SNX19: variants seen among roughly 807,000 people sequenced by gnomAD.
The protein encoded by SNX19 is sorting nexin 19, also known as sorting nexin-19.
A neutral mutation model predicts 85.2 loss-of-function variants in SNX19; 60 were observed. The ratio of observed to expected loss-of-function variants is 0.70; its 90% CI spans 0.57 to 0.87. The LOEUF (loss-of-function observed/expected upper bound fraction) is 0.87. Ranked by LOEUF, SNX19 falls within the 40% of genes least tolerant of loss-of-function variation. The pLI is 0.00. For missense variants in SNX19, 1,201 were observed against 1,217.8 expected, an observed-to-expected ratio of 0.99 and a Z score of 0.21; for synonymous variants, 520 against 470.0, an observed-to-expected ratio of 1.11 and a Z score of -1.38.
Position 130,883,446 on chromosome 11 carries a change from C to T in SNX19, c.2574-2640G>A, listed in dbSNP as rs116324963. On this transcript the variant is annotated intron_variant, in intron 8 of 10. Coordinates refer to ENST00000265909, the MANE Select transcript of SNX19 (RefSeq NM_014758.3). Reference sequence around the variant, plus strand: ...AAGTCAGGCCCAGGAATATAAGAAACAGGACTTTCACAAACTGGCAGAAAT... The same window carrying T: ...AAGTCAGGCCCAGGAATATAAGAAATAGGACTTTCACAAACTGGCAGAAAT... 3.9e-3 allele frequency among the ~76,000 whole-genome samples: 592 copies of T among 152,274 alleles called. 2 individuals carry two copies. Among genetic ancestry groups the T allele is most frequent in the African/African-American group, 0.013 (556 of 41,544 alleles).
rs757898725 is a variant in SNX19, at chr11:130,903,305, G to A, written c.2523C>T (p.Thr841=). ...LLTEQWKWLC[T]ENMQKFLRLI... ...GACGAAGAAACTTTTGCATGTTTTCGGTACATAGCCATTTCCACTGTTCTG... is the reference window on the plus strand; with the variant it reads ...GACGAAGAAACTTTTGCATGTTTTCAGTACATAGCCATTTCCACTGTTCTG... Residue 841 remains threonine (T), a synonymous_variant, in exon 8 of 11, where the codon ACC becomes ACT. Transcript: ENST00000265909. 11 of 1,613,770 alleles carry A rather than the reference G, an allele frequency of 6.8e-6. No homozygotes were observed. The highest frequency in any genetic ancestry group is 6.7e-5 in the African/African-American group (5 of 74,892).
chr11:130,913,527 C>T (rs887377419), intron 1 of SNX19, among the ~76,000 whole-genome samples: 2 of 152,138 alleles, frequency 1.3e-5, no homozygotes, highest in African/African-American at 2.4e-5. Flanking sequence ...ATTGGGAGTT[C>T]GGAGGAGTGT....
chr11:130,914,729 G>A lies in SNX19; in HGVS notation c.1211C>T (p.Ala404Val), dbSNP rs750455055. 4 of 1,614,076 alleles carry A rather than the reference G, an allele frequency of 2.5e-6. No individual in the cohort carries two copies. In the East Asian group the frequency reaches 8.9e-5, roughly 36 times the overall value. ...LSDRIQDALC[A>V]LESSQALEPK... Reference sequence around the variant, plus strand: ...TTCCAGAGCCTGGGAACTCTCTAGGGCACACAGGGCATCCTGAATCCTGTC... The same window carrying A: ...TTCCAGAGCCTGGGAACTCTCTAGGACACACAGGGCATCCTGAATCCTGTC... Residue 404 changes from alanine to valine, a missense_variant, in exon 1 of 11, where the codon GCC becomes GTC. Ala to Val is a moderately conservative substitution (Grantham distance 64). Coordinates refer to ENST00000265909, the MANE Select transcript of SNX19 (RefSeq NM_014758.3).
chr11:130,869,799 T>TAAGGTTCACATATA lies in SNX19; in HGVS notation c.*8609_*8622dup, dbSNP rs1240519893. The TAAGGTTCACATATA allele has an allele frequency of 6.6e-6, 1 of 152,124 alleles. No homozygotes were observed. Among genetic ancestry groups the TAAGGTTCACATATA allele is most frequent in the Non-Finnish European group, 1.5e-5 (1 of 68,026 alleles). 9.4% of individuals were successfully genotyped at this position (152,124 alleles called of 1,614,324 possible). On this transcript the variant is annotated 3_prime_UTR_variant, in exon 11 of 11. Transcript: ENST00000265909. ...TCAAGTATAGGGAATATCATGCATT[T>TAAGGTTCACATATA]AAGGTTCACATATAGCCTTAAGTTG...
intron 9 of SNX19, 150 bp downstream of exon 9, chr11:130,880,472 A>G (rs2135278180): frequency 3.0e-6 from 2 of 673,380 alleles, no homozygotes; most frequent in Non-Finnish European, 4.8e-6. Context: ...TCATTTTCCT[A>G]TTAGCCTGGG....
At chr11:130,897,608 T>C (rs139952775) in intron 8 of SNX19, among the ~76,000 whole-genome samples, 1 of 152,260 alleles carries the variant, frequency 6.6e-6, no homozygotes, top group African/African-American at 2.4e-5. Flanking sequence ...CAGCTTCTCA[T>C]TCCTTCACTT....
In SNX19 at chr11:130,911,786, A is replaced by G. The variant is rs1565551737; in HGVS notation, c.1675-15T>C. 6.2e-7 allele frequency: 1 copy of G among 1,611,824 alleles called. No homozygotes were observed. Among genetic ancestry groups the G allele is most frequent in the Non-Finnish European group, 8.5e-7 (1 of 1,178,406 alleles). ...GCTGTCTCGTACTGTTCAACGAACA[A>G]ATTGATTGACTCAATCAGCCGGGTT... On this transcript the variant is annotated splice_polypyrimidine_tract_variant and intron_variant, in intron 1 of 10. Coordinates refer to ENST00000265909, the MANE Select transcript of SNX19 (RefSeq NM_014758.3).
intron 8 of SNX19, among the ~76,000 whole-genome samples, chr11:130,890,627 C>A (rs1437347478): frequency 3.3e-5 from 5 of 151,998 alleles, no homozygotes; most frequent in African/African-American, 1.2e-4. Flanking sequence ...CTTTGAGTAC[C>A]ACAAATACAC....
At chr11:130,903,680 T>A (rs1217933739) in intron 7 of SNX19, among the ~76,000 whole-genome samples, 1 of 147,626 alleles carries the variant, frequency 6.8e-6, no homozygotes, top group Non-Finnish European at 1.5e-5. Flanking sequence ...TAAATATATA[T>A]ATGTGTGTAT....
Position 130,876,064 on chromosome 11 carries a change from T to C in SNX19, c.*2358A>G, listed in dbSNP as rs904917830. 1 of 152,194 alleles carries C rather than the reference T, an allele frequency of 6.6e-6. No individual in the cohort carries two copies. The highest frequency in any genetic ancestry group is 1.5e-5 in the Non-Finnish European group (1 of 68,032). The allele number at this position is 152,194 out of a possible 1,614,324, so 9.4% of individuals were successfully genotyped here. On this transcript the variant is annotated 3_prime_UTR_variant, in exon 11 of 11. Transcript: ENST00000265909. ...ATCCCTGCCTCGTCTTTTTTATAGA[T>C]AGTAAGAAAAGGGAAAGTAGTCTTA...
In SNX19 at chr11:130,878,446, A is replaced by G; in HGVS notation, c.2955T>C (p.Ser985=). The stretch of plus-strand genomic sequence containing the variant: ...GCTAAGAGGAGACACCCATCCTCTT[A>G]GAGTTGCCTGGGGTATCTGAGGCAG... ...TTSASDTPGN[S]KRMGVSS is the part of the protein sequence containing the mutation. Residue 985 remains serine, a synonymous_variant, in exon 11 of 11, where the codon TCT becomes TCC. Transcript: ENST00000265909. The G allele has an allele frequency of 6.2e-7, 1 of 1,613,910 alleles. No individual in the cohort carries two copies. Among genetic ancestry groups the G allele is most frequent in the African/African-American group, 1.3e-5 (1 of 75,012 alleles).
At chr11:130,885,682 A>G (rs1944009421) in intron 8 of SNX19, among the ~76,000 whole-genome samples, 1 of 152,246 alleles carries the variant, frequency 6.6e-6, no homozygotes, top group Admixed American at 6.5e-5. Flanking sequence ...CAGTCTAAAT[A>G]TAAGGAAAAT....
In SNX19 at chr11:130,907,054, T is replaced by TA. The variant is rs1945727975; in HGVS notation, c.2166-334dup. 2.0e-5 allele frequency among the ~76,000 whole-genome samples: 3 copies of TA among 152,238 alleles called. No homozygotes were observed. In the South Asian group the frequency reaches 6.2e-4, roughly 32 times the overall value. ...TAGCTAACACATAATAGGCACTCAT[T>TA]AAAAATTTGCTGAAGATTAAACAGA... On this transcript the variant is annotated intron_variant, in intron 5 of 10. Coordinates refer to ENST00000265909, the MANE Select transcript of SNX19 (RefSeq NM_014758.3).
chr11:130,913,097 T>C (rs1946267640), intron 1 of SNX19, among the ~76,000 whole-genome samples: 1 of 152,046 alleles, frequency 6.6e-6, no homozygotes, highest in Non-Finnish European at 1.5e-5. Flanking sequence ...GGAGAAAGAC[T>C]GGGAACTTAA....
At position 130,903,306 on chromosome 11, in the gene SNX19, G is replaced by T; in HGVS notation, c.2522C>A (p.Thr841Asn). Reference protein sequence around the residue: ...LLTEQWKWLCTENMQKFLRLI... With the variant: ...LLTEQWKWLCNENMQKFLRLI... ...ACGAAGAAACTTTTGCATGTTTTCG[G>T]TACATAGCCATTTCCACTGTTCTGT... The change falls in exon 8 of 11, where the codon ACC becomes AAC. Residue 841 changes from threonine (T) to asparagine (N), a missense_variant. Thr to Asn is a moderately conservative substitution (Grantham distance 65). This residue lies in a region of SNX19 where 285 missense variants were observed against 295.3 expected (regional missense o/e 0.97). Coordinates refer to ENST00000265909, the MANE Select transcript of SNX19 (RefSeq NM_014758.3). The T allele has an allele frequency of 1.2e-6, 2 of 1,613,954 alleles. No individual in the cohort carries two copies. The highest frequency in any genetic ancestry group is 1.7e-6 in the Non-Finnish European group (2 of 1,179,924).
At chr11:130,904,220 T>C (rs780637649) in intron 7 of SNX19, among the ~76,000 whole-genome samples, 11 of 152,192 alleles carry the variant, frequency 7.2e-5, no homozygotes, top group Non-Finnish European at 1.2e-4. Context: ...CACGTCTGAT[T>C]TGCCTCCAAG....
At chr11:130,894,941 C>T (rs1944771236) in intron 8 of SNX19, 5 of 985,276 alleles carry the variant, frequency 5.1e-6, no homozygotes, top group Admixed American at 6.1e-5. Context: ...ATTTCTATTT[C>T]GACAGTAACA....
At position 130,915,271 on chromosome 11, in the gene SNX19, C is replaced by T. The variant is rs543718660; in HGVS notation, c.669G>A (p.Leu223=). The T allele has an allele frequency of 1.9e-6, 3 of 1,614,218 alleles. No individual in the cohort carries two copies. In the East Asian group the frequency reaches 6.7e-5, roughly 36 times the overall value. ...RGVVNLLLQG[L]VPKPHLETRT... ...GAGTCTCCAAGTGGGGCTTGGGCAC[C>T]AGCCCTTGAAGCAACAAATTCACAA... Residue 223 remains leucine (L), a synonymous_variant, in exon 1 of 11, where the codon CTG becomes CTA. Coordinates refer to ENST00000265909, the MANE Select transcript of SNX19 (RefSeq NM_014758.3).
chr11:130,915,808 A>T lies in SNX19; in HGVS notation c.132T>A (p.Leu44=), dbSNP rs1219863159. ...GGCACAGCAGCCACACGTTGACCAGAAGGTGTATGACCAGGAGCCAGCCAA... is the reference window on the plus strand; with the variant it reads ...GGCACAGCAGCCACACGTTGACCAGTAGGTGTATGACCAGGAGCCAGCCAA... ...VLLGWLLVIH[L]LVNVWLLCLL... Residue 44 remains leucine (L), a synonymous_variant, in exon 1 of 11, where the codon CTT becomes CTA. Coordinates refer to ENST00000265909, the MANE Select transcript of SNX19 (RefSeq NM_014758.3). The T allele has an allele frequency of 6.2e-7, 1 of 1,614,082 alleles. No homozygotes were observed. The highest frequency in any genetic ancestry group is 1.7e-5 in the Admixed American group (1 of 59,998).
Sources: allele counts gnomAD v4.1 joint callset (sites outside exome capture counted in the v4.1 genomes callset), GRCh38; gene constraint gnomAD v4.1.1; regional missense constraint gnomAD v4.1.1; transcripts MANE v1.5; gene names NCBI Gene and HGNC (gene_info 2026-07-23, HGNC 2026-07-21).